The following FAM117B variants were observed in gnomAD, a reference collection of about 807,000 sequenced individuals.
The protein encoded by FAM117B is family with sequence similarity 117 member B, also known as protein FAM117B.
FAM117B carries 22 observed loss-of-function variants against 52.8 expected under a neutral mutation model. The observed-to-expected ratio is 0.42, with a 90% CI of 0.30 to 0.59. The LOEUF is 0.59. FAM117B is among the 20% of genes least tolerant of loss of function. FAM117B has a pLI of 0.22. For missense variants in FAM117B, 678 were observed against 802.6 expected, an observed-to-expected ratio of 0.84 and a Z score of 1.88; for synonymous variants, 309 against 324.1, an observed-to-expected ratio of 0.95 and a Z score of 0.50.
At chr2:202,754,038 A>G (rs1691762318) in intron 4 of FAM117B, among the ~76,000 whole-genome samples, 1 of 152,190 alleles carries the variant, frequency 6.6e-6, no homozygotes, top group Non-Finnish European at 1.5e-5. Flanking sequence ...ATATACCCAA[A>G]GGGTTATAAA....
In FAM117B at chr2:202,766,067, C is replaced by CAA. The variant is rs1171168325; in HGVS notation, c.*304_*305insAA. The CAA allele has an allele frequency of 6.6e-6, 1 of 150,796 alleles. No individual in the cohort carries two copies. The highest frequency in any genetic ancestry group is 1.2e-5 in the Non-Finnish European group (1 of 83,868). 9.3% of individuals were successfully genotyped at this position (150,796 alleles called of 1,614,324 possible). A position where few individuals can be genotyped will look rare whatever the true frequency, so the allele number is the denominator to read the frequency against. On this transcript the variant is annotated 3_prime_UTR_variant, in exon 8 of 8. Transcript: ENST00000392238. Reference sequence around the variant, plus strand: ...TCGAATTAGACTTCTTTAAAACACACACACACACACACACACACACACACA... The same window carrying CAA: ...TCGAATTAGACTTCTTTAAAACACACAAACACACACACACACACACACACACA...
chr2:202,662,639 G>A (rs375103418), intron 1 of FAM117B, among the ~76,000 whole-genome samples: 22 of 151,968 alleles, frequency 1.4e-4, no homozygotes, highest in African/African-American at 5.1e-4. Flanking sequence ...TCAAGAGATC[G>A]AGACCATCCT....
intron 2 of FAM117B, among the ~76,000 whole-genome samples, chr2:202,720,073 A>G (rs939283606): frequency 3.3e-5 from 5 of 152,126 alleles, no homozygotes; most frequent in South Asian, 4.1e-4. Context: ...AATATTTGAG[A>G]TTGTAAATAT....
chr2:202,646,413 G>A (rs1371790889), intron 1 of FAM117B, among the ~76,000 whole-genome samples: 1 of 152,178 alleles, frequency 6.6e-6, no homozygotes, highest in East Asian at 1.9e-4. Flanking sequence ...GAAAGAAGAC[G>A]CAGGGACTCC....
intron 1 of FAM117B, among the ~76,000 whole-genome samples, chr2:202,679,814 A>G (rs1195099446): frequency 6.6e-6 from 1 of 152,244 alleles, no homozygotes; most frequent in Non-Finnish European, 1.5e-5. Context: ...GATACTGTCT[A>G]GCATCCAGTA....
intron 4 of FAM117B, among the ~76,000 whole-genome samples, chr2:202,727,533 T>C (rs937723085): frequency 6.6e-6 from 1 of 151,950 alleles, no homozygotes; most frequent in African/African-American, 2.4e-5. Context: ...TAAAATATAA[T>C]TAAAAGTACA....
chr2:202,661,092 T>G (rs1022068225), intron 1 of FAM117B, among the ~76,000 whole-genome samples: 1 of 152,240 alleles, frequency 6.6e-6, no homozygotes, highest in Admixed American at 6.5e-5. Context: ...CCAGGACATA[T>G]GGGAGGGGGA....
chr2:202,761,056 G>A (rs1380996216), intron 7 of FAM117B, among the ~76,000 whole-genome samples: 1 of 152,110 alleles, frequency 6.6e-6, no homozygotes, highest in East Asian at 1.9e-4. Flanking sequence ...CCACAGGCAT[G>A]CCACCACACC....
At chr2:202,740,379 AAG>A (rs1691514223) in intron 4 of FAM117B, among the ~76,000 whole-genome samples, 2 of 150,288 alleles carry the variant, frequency 1.3e-5, no homozygotes, top group Admixed American at 6.6e-5. Context: ...AAAAAAAAAA[AAG>A]TATTTAATTT....
At chr2:202,681,599 G>C (rs1371908911) in intron 1 of FAM117B, among the ~76,000 whole-genome samples, 2 of 152,210 alleles carry the variant, frequency 1.3e-5, no homozygotes, top group Non-Finnish European at 2.9e-5. Flanking sequence ...AAGAGTGTTT[G>C]CATCGAATAG....
chr2:202,728,650 T>C (rs1203442082), intron 4 of FAM117B, among the ~76,000 whole-genome samples: 4 of 152,158 alleles, frequency 2.6e-5, no homozygotes, highest in Non-Finnish European at 5.9e-5. Flanking sequence ...CCAAGTAGAA[T>C]AGGGATTAGG....
chr2:202,655,160 A>T (rs1018532516), intron 1 of FAM117B, among the ~76,000 whole-genome samples: 1 of 152,160 alleles, frequency 6.6e-6, no homozygotes, highest in Non-Finnish European at 1.5e-5. Context: ...TTCACTTAGC[A>T]TAGTGCATTT....
chr2:202,638,901 T>A (rs1689725564), intron 1 of FAM117B, among the ~76,000 whole-genome samples: 1 of 152,074 alleles, frequency 6.6e-6, no homozygotes, highest in Non-Finnish European at 1.5e-5. Context: ...TCCCAGGAAT[T>A]GTTGTTTCAC....
At chr2:202,739,179 A>T (rs572870021) in intron 4 of FAM117B, among the ~76,000 whole-genome samples, 1 of 151,612 alleles carries the variant, frequency 6.6e-6, no homozygotes, top group Non-Finnish European at 1.5e-5. Flanking sequence ...ACAGAGTGAG[A>T]CTCTTGTCTC....
intron 2 of FAM117B, among the ~76,000 whole-genome samples, chr2:202,700,186 A>C (rs1162109506): frequency 1.3e-5 from 2 of 152,194 alleles, no homozygotes; most frequent in African/African-American, 4.8e-5. Context: ...ATGTCTCTCT[A>C]TTTCAATCAA....
chr2:202,667,071 T>TG (rs1274678403), intron 1 of FAM117B, among the ~76,000 whole-genome samples: 2 of 152,122 alleles, frequency 1.3e-5, no homozygotes, highest in Admixed American at 6.6e-5. Context: ...AACTGGGACT[T>TG]GCTCCAGGCC....
intron 4 of FAM117B, among the ~76,000 whole-genome samples, chr2:202,735,985 C>T (rs1424274302): frequency 2.0e-5 from 3 of 152,084 alleles, no homozygotes; most frequent in Non-Finnish European, 4.4e-5. Context: ...TTACTATAGC[C>T]TCAAGCAAGA....
intron 4 of FAM117B, among the ~76,000 whole-genome samples, chr2:202,730,313 G>A (rs7596127): frequency 5.3e-4 from 80 of 152,216 alleles, no homozygotes; most frequent in African/African-American, 1.9e-3. Flanking sequence ...GCTAGCTGAT[G>A]GTTGACAATA....
chr2:202,769,216 A>C lies in FAM117B; in HGVS notation c.*3452A>C, dbSNP rs778970350. ...CTTTCAGTGGTTGGCTTTCACTGAA[A>C]GAAAGTGTAAAAAAAGTCAGAATTT... On this transcript the variant is annotated 3_prime_UTR_variant, in exon 8 of 8. Transcript: ENST00000392238. The C allele has an allele frequency of 6.6e-6, 1 of 152,318 alleles. No homozygotes were observed. Among genetic ancestry groups the C allele is most frequent in the African/African-American group, 2.4e-5 (1 of 41,470 alleles). The allele number at this position is 152,318 out of a possible 1,614,324, so 9.4% of individuals were successfully genotyped here.
Sources: allele counts gnomAD v4.1 joint callset (sites outside exome capture counted in the v4.1 genomes callset), GRCh38; gene constraint gnomAD v4.1.1; transcripts MANE v1.5; gene names NCBI Gene and HGNC (gene_info 2026-07-23, HGNC 2026-07-21).